The following BIRC7 variants were observed in gnomAD, a reference collection of about 807,000 sequenced individuals.
BIRC7 encodes baculoviral IAP repeat containing 7.
In BIRC7, 26 loss-of-function variants were observed where a neutral mutation model predicts 33.2. The ratio of observed to expected loss-of-function variants is 0.78; its 90% CI spans 0.57 to 1.09. BIRC7 has a LOEUF of 1.09. Among genes scored for constraint, BIRC7 ranks in the 50% least tolerant of loss-of-function variants. The probability of loss-of-function intolerance (pLI) is 0.00; values close to 1 mark genes in which losing one functional copy is unlikely to be tolerated. For missense variants in BIRC7, 409 were observed against 401.2 expected (o/e 1.02, Z -0.17); for synonymous variants, 176 against 171.0 (o/e 1.03, Z -0.23).
chr20:63,239,922 C>T (rs1315667254), intron 6 of BIRC7, among the ~76,000 whole-genome samples: 2 of 152,206 alleles, frequency 1.3e-5, no homozygotes, highest in African/African-American at 4.8e-5. Context: ...GCTTTGGAGG[C>T]GTTTGGGGAA....
intron 1 of BIRC7, 86 bp from the exon 2 acceptor site, chr20:63,237,817 G>A: frequency 8.4e-7 from 1 of 1,196,844 alleles, no homozygotes; most frequent in Non-Finnish European, 1.1e-6. Context: ...CCCTCCAGCT[G>A]AAGCTCTCAT....
At chr20:63,238,715 GAC>G in intron 4 of BIRC7, 101 bp downstream of exon 4, 1 of 1,486,610 alleles carries the variant, frequency 6.7e-7, no homozygotes, top group Non-Finnish European at 9.2e-7. Flanking sequence ...CAGGGAGAGT[GAC>G]GGGCACGTGA....
At chr20:63,239,760 C>T in intron 6 of BIRC7, 150 bp downstream of exon 6, 1 of 1,194,054 alleles carries the variant, frequency 8.4e-7, no homozygotes, top group Non-Finnish European at 1.1e-6. Flanking sequence ...TGATAGCGCC[C>T]ATCAATCTTA....
chr20:63,239,620 C>A lies in BIRC7; in HGVS notation c.*5+10C>A, dbSNP rs758186477. 8 of 1,582,756 alleles carry A rather than the reference C, an allele frequency of 5.1e-6. No homozygotes were observed. The highest frequency in any genetic ancestry group is 1.3e-5 in the African/African-American group (1 of 74,574). On this transcript the variant is annotated intron_variant, in intron 6 of 6. Transcript: ENST00000217169. ...TCCTGTCCTAGGCCAGGTGAGCGCCCCAGCACCACGCGCAGCCAGCCCTCC... is the reference window on the plus strand; with the variant it reads ...TCCTGTCCTAGGCCAGGTGAGCGCCACAGCACCACGCGCAGCCAGCCCTCC...
intron 4 of BIRC7, 200 bp downstream of exon 4, chr20:63,238,814 C>CA: frequency 1.4e-6 from 1 of 729,718 alleles, no homozygotes; most frequent in Non-Finnish European, 2.2e-6. Flanking sequence ...TCCCCCAGTG[C>CA]CAGGCCCCAT....
chr20:63,239,506 G>A lies in BIRC7; in HGVS notation c.798G>A (p.Pro266=), dbSNP rs374186734. The A allele has an allele frequency of 6.4e-5, 102 of 1,606,190 alleles. No individual in the cohort carries two copies. Among genetic ancestry groups the A allele is most frequent in the South Asian group, 5.7e-4 (52 of 91,068 alleles). ...GCGCCGTGTCCATCGTCTTTGTGCC[G>A]TGCGGCCACCTGGTCTGTGCTGAGT... ...LDRAVSIVFV[P]CGHLVCAECA... is the part of the protein sequence containing the mutation. Residue 266 remains proline, a synonymous_variant, in exon 6 of 7, where the codon CCG becomes CCA. Coordinates refer to ENST00000217169, the MANE Select transcript of BIRC7 (RefSeq NM_139317.3).
chr20:63,238,246 G>A (rs747537721), intron 2 of BIRC7, 150 bp from the exon 3 acceptor site: 1 of 985,618 alleles, frequency 1.0e-6, no homozygotes. Context: ...CCCCATGGAG[G>A]CGTCTCCACA....
intron 3 of BIRC7, 37 bp downstream of exon 3, chr20:63,238,514 T>C (rs1414943163): frequency 1.2e-6 from 2 of 1,613,018 alleles, no homozygotes; most frequent in East Asian, 2.2e-5. Flanking sequence ...CGGGTGGCAG[T>C]GGGGTCCTGC....
At chr20:63,238,802 C>A in intron 4 of BIRC7, 188 bp downstream of exon 4, 1 of 779,334 alleles carries the variant, frequency 1.3e-6, no homozygotes, top group Non-Finnish European at 2.0e-6. Context: ...GCGGCAGGGG[C>A]CTCCCCCAGT....
rs1568695587 is a variant in BIRC7 at position 63,237,924 on chromosome 20, G to A, written c.371G>A (p.Cys124Tyr). The part of the protein sequence containing the change: ...FHTGHQDKVR[C>Y]FFCYGGLQSW... Reference sequence around the variant, plus strand: ...CCAGGCCATCAGGACAAGGTGAGGTGCTTCTTCTGCTATGGGGGCCTGCAG... The same window carrying A: ...CCAGGCCATCAGGACAAGGTGAGGTACTTCTTCTGCTATGGGGGCCTGCAG... The change falls in exon 2 of 7, where the codon TGC (cysteine) becomes TAC (tyrosine). Residue 124 changes from cysteine (C) to tyrosine (Y), a missense_variant. Transcript: ENST00000217169. The A allele has an allele frequency of 6.2e-7, 1 of 1,607,128 alleles. No individual in the cohort carries two copies. Among genetic ancestry groups the A allele is most frequent in the African/African-American group, 1.3e-5 (1 of 74,646 alleles).
At chr20:63,239,736 C>A in intron 6 of BIRC7, 126 bp downstream of exon 6, 2 of 1,292,994 alleles carry the variant, frequency 1.5e-6, no homozygotes, top group Non-Finnish European at 2.1e-6. Flanking sequence ...TTTTACCCGG[C>A]TCCCAGGTCC....
At position 63,239,242 on chromosome 20, in the gene BIRC7, C is replaced by T. The variant is rs2123029501; in HGVS notation, c.649+9C>T. On this transcript the variant is annotated intron_variant, in intron 5 of 6. Transcript: ENST00000217169. ...AAGTGCCCAGGAGCCAGGTGCAGGC[C>T]CGGGACCCCCTGGGTGAGGGCTGGG... 4 of 1,553,498 alleles carry T rather than the reference C, an allele frequency of 2.6e-6. No individual in the cohort carries two copies. The highest frequency in any genetic ancestry group is 2.6e-6 in the Non-Finnish European group (3 of 1,153,616).
chr20:63,238,693 C>T lies in BIRC7; in HGVS notation c.577+79C>T, dbSNP rs2066708197. On this transcript the variant is annotated intron_variant, in intron 4 of 6. Transcript: ENST00000217169. ...GGCCAAGGCCACTGGGTGTCCCCAC[C>T]CTCCCAGACAGCAGGGAGAGTGACG... The T allele has an allele frequency of 7.1e-6, 11 of 1,542,798 alleles. No homozygotes were observed. In the South Asian group the frequency reaches 1.2e-4, roughly 17 times the overall value.
chr20:63,239,311 G>T (rs761504955), intron 5 of BIRC7, 47 bp from the exon 6 acceptor site: 1 of 1,604,900 alleles, frequency 6.2e-7, no homozygotes, highest in South Asian at 1.1e-5. Flanking sequence ...GGCCCATAGA[G>T]GGTGGGGGCC....
Position 63,238,477 on chromosome 20 carries a change from G to A in BIRC7, c.531G>A (p.Trp177Ter), listed in dbSNP as rs761100275. Residue 177 changes from tryptophan (W) to a stop codon, truncating the protein, a stop_gained and splice_region_variant, in exon 3 of 7, where the codon TGG (tryptophan) becomes TGA (stop). Transcript: ENST00000217169. LOFTEE classifies it high-confidence loss of function. ...QETHSQLLGS[W>*]DPWEEPEDAA... ...CTCACTCCCAGCTGCTGGGCTCCTG[G>A]GTGAGCGCCACCTCTCCTCGGGGCT... is the stretch of plus-strand genomic sequence containing the variant. 2.5e-6 allele frequency: 4 copies of A among 1,612,914 alleles called. No individual in the cohort carries two copies. In the South Asian group the frequency reaches 3.3e-5, roughly 13 times the overall value.
chr20:63,238,563 T>C lies in BIRC7; in HGVS notation c.532-6T>C. On this transcript the variant is annotated splice_region_variant and splice_polypyrimidine_tract_variant and intron_variant, in intron 3 of 6. Coordinates refer to ENST00000217169, the MANE Select transcript of BIRC7 (RefSeq NM_139317.3). ...CCAAGGCCTGATGGTCTCTGGCTCC[T>C]TCCAGGACCCGTGGGAAGAACCGGA... is the stretch of plus-strand genomic sequence containing the variant. 1.2e-6 allele frequency: 2 copies of C among 1,613,134 alleles called. No homozygotes were observed. The highest frequency in any genetic ancestry group is 1.7e-6 in the Non-Finnish European group (2 of 1,179,970).
At position 63,238,243 on chromosome 20, in the gene BIRC7, G is replaced by A. The variant is rs145521816; in HGVS notation, c.450-153G>A. On this transcript the variant is annotated intron_variant, in intron 2 of 6. Coordinates refer to ENST00000217169, the MANE Select transcript of BIRC7 (RefSeq NM_139317.3). ...CATGGGACTACCCTGAAGCCCCATG[G>A]AGGCGTCTCCACAGCAGCCCTCCTC... 2.6e-3 allele frequency: 2,573 copies of A among 977,524 alleles called. 17 individuals carry two copies. Among genetic ancestry groups the A allele is most frequent in the Middle Eastern group, 0.013 (64 of 4,806 alleles). 60.6% of individuals were successfully genotyped at this position (977,524 alleles called of 1,614,324 possible). A position where few individuals can be genotyped will look rare whatever the true frequency, so the allele number is the denominator to read the frequency against.
At chr20:63,238,809 C>T in intron 4 of BIRC7, 195 bp downstream of exon 4, 1 of 740,220 alleles carries the variant, frequency 1.4e-6, no homozygotes. Context: ...GGGCCTCCCC[C>T]AGTGCCAGGC....
chr20:63,237,142 G>C (rs547368783), intron 1 of BIRC7, among the ~76,000 whole-genome samples: 5 of 152,292 alleles, frequency 3.3e-5, no homozygotes, highest in African/African-American at 1.2e-4. Context: ...GGGCTCTGGC[G>C]GGGCACCATC....
Sources: allele counts gnomAD v4.1 joint callset (sites outside exome capture counted in the v4.1 genomes callset), GRCh38; gene constraint gnomAD v4.1.1; transcripts MANE v1.5; gene names NCBI Gene and HGNC (gene_info 2026-07-23, HGNC 2026-07-21).